CPNE8: variants seen among roughly 807,000 people sequenced by gnomAD.
CPNE8 encodes the protein copine-8.
A neutral mutation model predicts 81.5 loss-of-function variants in CPNE8; 45 were observed. The ratio of observed to expected loss-of-function variants is 0.55; its 90% CI spans 0.44 to 0.71. The LOEUF (loss-of-function observed/expected upper bound fraction) is 0.71, where lower values mean the gene tolerates loss of function less well. Among genes scored for constraint, CPNE8 ranks in the 30% least tolerant of loss-of-function variants. The probability of loss-of-function intolerance (pLI) is 0.00; values close to 1 mark genes in which losing one functional copy is unlikely to be tolerated. For synonymous variants in CPNE8, 252 were observed against 226.3 expected, an observed-to-expected ratio of 1.11 and a Z score of -1.02; for missense variants, 594 against 672.1, an observed-to-expected ratio of 0.88 and a Z score of 1.28.
At chr12:38,671,217 T>C (rs1433370605) in intron 18 of CPNE8, among the ~76,000 whole-genome samples, 1 of 152,166 alleles carries the variant, frequency 6.6e-6, no homozygotes, top group Admixed American at 6.6e-5. Context: ...TTAATCATCA[T>C]AGAATTTTCA....
At position 38,885,846 on chromosome 12, in the gene CPNE8, G is replaced by C. The variant is rs75100643; in HGVS notation, c.99-11335C>G. On this transcript the variant is annotated intron_variant, in intron 1 of 19. Transcript: ENST00000331366. ...TAGTGAGTTCTCAGGAGATTTGGTT[G>C]TTTAAAAGTGTGTAGTACTTCCCCC... 6.7e-3 allele frequency among the ~76,000 whole-genome samples: 1,019 copies of C among 152,108 alleles called. 10 individuals carry two copies. Among genetic ancestry groups the C allele is most frequent in the African/African-American group, 0.024 (978 of 41,484 alleles).
At position 38,742,141 on chromosome 12, in the gene CPNE8, A is replaced by C. The variant is rs372749059; in HGVS notation, c.723-11783T>G. Among the ~76,000 whole-genome samples the C allele has an allele frequency of 5.5e-4, 84 of 152,300 alleles. No homozygotes were observed. In the South Asian group the frequency reaches 0.014, roughly 25 times the overall value. On this transcript the variant is annotated intron_variant, in intron 10 of 19. Transcript: ENST00000331366. Reference sequence around the variant, plus strand: ...CGATTCCTTAGGGATCTAGAACTAGAAATACCATTTGACCCAGCAATCCCA... The same window carrying C: ...CGATTCCTTAGGGATCTAGAACTAGCAATACCATTTGACCCAGCAATCCCA...
chr12:38,728,232 C>A (rs1048151238), intron 11 of CPNE8, among the ~76,000 whole-genome samples: 1 of 151,982 alleles, frequency 6.6e-6, no homozygotes, highest in Non-Finnish European at 1.5e-5. Context: ...AGAAAGAAGT[C>A]GACAGAAATT....
chr12:38,684,469 C>T (rs75776224), intron 16 of CPNE8, among the ~76,000 whole-genome samples: 6,128 of 151,860 alleles, frequency 0.04, 363 homozygotes, highest in East Asian at 0.33. Flanking sequence ...TGATTTTGTC[C>T]GAAAAATTCA....
rs374817236 is a variant in CPNE8 at position 38,695,132 on chromosome 12, C to A, written c.962-1294G>T. 3.9e-5 allele frequency among the ~76,000 whole-genome samples: 6 copies of A among 152,168 alleles called. No homozygotes were observed. The South Asian group carries it at 1.2e-3, about 32-fold the overall frequency. On this transcript the variant is annotated intron_variant, in intron 14 of 19. Coordinates refer to ENST00000331366, the MANE Select transcript of CPNE8 (RefSeq NM_153634.3). ...AGAAAGTTCCTTCCTGACTATAAGA[C>A]CCTGACCGCTCTTTTCTTACAGCTC...
intron 10 of CPNE8, among the ~76,000 whole-genome samples, chr12:38,730,980 T>C (rs1161131127): frequency 6.6e-6 from 1 of 151,816 alleles, no homozygotes; most frequent in East Asian, 1.9e-4. Flanking sequence ...GGGGTAAGGA[T>C]TGAGTAAACA....
In CPNE8 at chr12:38,742,774, A is replaced by C. The variant is rs560361776; in HGVS notation, c.723-12416T>G. Among the ~76,000 whole-genome samples the C allele has an allele frequency of 4.3e-4, 65 of 151,976 alleles. 1 individual carries two copies. The highest frequency in any genetic ancestry group is 7.4e-4 in the Non-Finnish European group (50 of 67,934). ...ATTTCTTCTGTTGTTTGCTATGTTT[A>C]TTTTGTTCTATGTACAATACAATGT... is the stretch of plus-strand genomic sequence containing the variant. On this transcript the variant is annotated intron_variant, in intron 10 of 19. Coordinates refer to ENST00000331366, the MANE Select transcript of CPNE8 (RefSeq NM_153634.3).
chr12:38,807,034 C>T (rs1308997986), intron 6 of CPNE8, among the ~76,000 whole-genome samples: 1 of 152,024 alleles, frequency 6.6e-6, no homozygotes, highest in African/African-American at 2.4e-5. Context: ...CCTAGTAATC[C>T]AACTTACAAG....
intron 6 of CPNE8, among the ~76,000 whole-genome samples, chr12:38,820,003 GAAGA>G (rs1349157600): frequency 6.6e-6 from 1 of 152,012 alleles, no homozygotes; most frequent in Non-Finnish European, 1.5e-5. Flanking sequence ...GGAAAAAAAA[GAAGA>G]AAGGAGCAAT....
intron 6 of CPNE8, among the ~76,000 whole-genome samples, chr12:38,790,576 G>T (rs1942297520): frequency 6.6e-6 from 1 of 151,578 alleles, no homozygotes; most frequent in Non-Finnish European, 1.5e-5. Flanking sequence ...TAATTTAATT[G>T]TATATTTAAA....
chr12:38,684,624 G>A (rs1939492846), intron 16 of CPNE8, among the ~76,000 whole-genome samples: 1 of 152,190 alleles, frequency 6.6e-6, no homozygotes, highest in Middle Eastern at 3.4e-3. Context: ...ATGAAAAGTA[G>A]AGCACACTGA....
chr12:38,704,137 A>G (rs1238843375), intron 13 of CPNE8, among the ~76,000 whole-genome samples: 1 of 152,178 alleles, frequency 6.6e-6, no homozygotes, highest in Non-Finnish European at 1.5e-5. Flanking sequence ...GGGCTGAAAA[A>G]TGAACTGTTG....
At chr12:38,876,622 C>T (rs1944070457) in intron 1 of CPNE8, among the ~76,000 whole-genome samples, 2 of 152,176 alleles carry the variant, frequency 1.3e-5, no homozygotes, top group Admixed American at 6.5e-5. Flanking sequence ...CAACAAAAAA[C>T]CCTTTGTATA....
At chr12:38,735,200 T>TG (rs1300850507) in intron 10 of CPNE8, among the ~76,000 whole-genome samples, 1 of 152,034 alleles carries the variant, frequency 6.6e-6, no homozygotes, top group Non-Finnish European at 1.5e-5. Context: ...GTTCAAGTCC[T>TG]GGAACACATA....
intron 8 of CPNE8, among the ~76,000 whole-genome samples, chr12:38,764,861 GAA>G (rs1491345243): frequency 2.0e-5 from 3 of 151,478 alleles, no homozygotes; most frequent in Non-Finnish European, 2.9e-5. Context: ...TAGATGACAG[GAA>G]GAGAGAGAGA....
rs540827390 is a variant in CPNE8, at chr12:38,798,926, C to T, written c.408-22625G>A. Among the ~76,000 whole-genome samples the T allele has an allele frequency of 2.0e-5, 3 of 152,166 alleles. No individual in the cohort carries two copies. The South Asian group carries it at 6.2e-4, about 32-fold the overall frequency. ...AGTCTCTGATAAAACAGACTTTAAA[C>T]CAACAAAGATCAAAAGAGACAAAGA... On this transcript the variant is annotated intron_variant, in intron 6 of 19. Coordinates refer to ENST00000331366, the MANE Select transcript of CPNE8 (RefSeq NM_153634.3).
intron 6 of CPNE8, among the ~76,000 whole-genome samples, chr12:38,782,943 G>A (rs1311320066): frequency 1.3e-5 from 2 of 152,110 alleles, no homozygotes; most frequent in African/African-American, 4.8e-5. Flanking sequence ...ACCTCCCAAA[G>A]TGCAGGAATT....
At chr12:38,738,468 A>G (rs947241042) in intron 10 of CPNE8, among the ~76,000 whole-genome samples, 2 of 152,226 alleles carry the variant, frequency 1.3e-5, no homozygotes, top group African/African-American at 2.4e-5. Context: ...CCTCAAATAA[A>G]TCAACTAATT....
chr12:38,744,915 T>A (rs1941194421), intron 10 of CPNE8, among the ~76,000 whole-genome samples: 1 of 152,236 alleles, frequency 6.6e-6, no homozygotes, highest in Admixed American at 6.5e-5. Flanking sequence ...AGGTTTTCAT[T>A]ACTCTCCTAA....
Sources: gnomAD v4.1 joint callset for allele counts (sites outside exome capture counted in the v4.1 genomes callset) on GRCh38, gnomAD v4.1.1 for gene constraint, MANE v1.5 for transcripts, NCBI Gene and HGNC (gene_info 2026-07-23, HGNC 2026-07-21) for gene names.